The following CHM variants were observed in gnomAD, a reference collection of about 807,000 sequenced individuals.
The protein encoded by CHM is CHM Rab escort protein, also known as rab proteins geranylgeranyltransferase component A 1.
A neutral mutation model predicts 49.0 loss-of-function variants in CHM; 10 were observed. That is an observed-to-expected ratio of 0.20 (90% CI 0.13 to 0.35). The LOEUF is 0.35. Ranked by LOEUF, CHM falls within the 10% of genes least tolerant of loss-of-function variation. The pLI, the probability that CHM is intolerant of heterozygous loss-of-function variation, is 1.00. For synonymous variants in CHM, 184 were observed against 167.5 expected (o/e 1.10, Z -0.76); for missense variants, 455 against 478.4 (o/e 0.95, Z 0.46).
At chrX:85,900,516 CA>C in intron 11 of CHM, 129 bp downstream of exon 11, 2 of 490,242 alleles carry the variant, frequency 4.1e-6, no homozygotes, top group Non-Finnish European at 7.1e-6. Flanking sequence ...GTTCTCACCA[CA>C]AAAAAAGGTA....
chrX:85,993,685 C>G (rs1298210648), intron 2 of CHM, among the ~76,000 whole-genome samples: 1 of 112,036 alleles, frequency 8.9e-6, no homozygotes, highest in Non-Finnish European at 1.9e-5. Flanking sequence ...CCAGTCTTAT[C>G]TCTGGACATT....
chrX:85,973,774 T>C (rs1404273387), intron 4 of CHM, among the ~76,000 whole-genome samples: 1 of 111,903 alleles, frequency 8.9e-6, no homozygotes, highest in Non-Finnish European at 1.9e-5. Context: ...ACTTCCTTTC[T>C]GGGAAAAAAG....
At position 86,026,102 on chromosome X, in the gene CHM, C is replaced by CTTTTTTTTTTTT. The variant is rs1167691945; in HGVS notation, c.116+1377_116+1388dup. On this transcript the variant is annotated intron_variant, in intron 2 of 14. Coordinates refer to ENST00000357749, the MANE Select transcript of CHM (RefSeq NM_000390.4). ...CTGGGCTTTCAAGGTAGCAGATTTT[C>CTTTTTTTTTTTT]TTTTTTTTTTTTTTTTTTTTTTTTT... Among the ~76,000 whole-genome samples, 21 of 26,759 alleles carry CTTTTTTTTTTTT rather than the reference C, an allele frequency of 7.8e-4. 6 individuals carry two copies. The highest frequency in any genetic ancestry group is 1.4e-3 in the Admixed American group (3 of 2,117). 23.2% of individuals were successfully genotyped at this position (26,759 alleles called of 115,157 possible).
At chrX:85,943,527 G>A (rs1170615246) in intron 8 of CHM, among the ~76,000 whole-genome samples, 1 of 111,337 alleles carries the variant, frequency 9.0e-6, no homozygotes, top group African/African-American at 3.3e-5. Context: ...TTTTGTATTG[G>A]GCACAGAATT....
At chrX:85,981,689 A>C (rs750072785) in intron 3 of CHM, 48 bp downstream of exon 3, 6 of 919,943 alleles carry the variant, frequency 6.5e-6, no homozygotes, top group Non-Finnish European at 9.3e-6. Flanking sequence ...GTTACTATGT[A>C]ACATACAATA....
At chrX:85,913,068 T>A (rs1185349153) in intron 8 of CHM, among the ~76,000 whole-genome samples, 8 of 97,560 alleles carry the variant, frequency 8.2e-5, no homozygotes, top group African/African-American at 3.1e-4. Context: ...CCCACGCCTG[T>A]AATCCTAGCA....
chrX:86,002,593 C>T (rs1251217388), intron 2 of CHM, among the ~76,000 whole-genome samples: 1 of 112,079 alleles, frequency 8.9e-6, no homozygotes, highest in East Asian at 2.8e-4. Flanking sequence ...TGAACCAGGG[C>T]GGGGTGTCGC....
intron 1 of CHM, among the ~76,000 whole-genome samples, chrX:86,037,885 G>C (rs1289399339): frequency 9.1e-6 from 1 of 109,920 alleles, no homozygotes; most frequent in African/African-American, 3.3e-5. Flanking sequence ...AAGACTGTAG[G>C]AAACAAAAGA....
chrX:85,926,327 T>C (rs748103776), intron 8 of CHM, among the ~76,000 whole-genome samples: 2 of 111,580 alleles, frequency 1.8e-5, no homozygotes, highest in South Asian at 7.5e-4. Context: ...TAAAATCTTC[T>C]CAGAGGCTGT....
chrX:86,043,463 TG>T (rs1446593229), intron 1 of CHM, among the ~76,000 whole-genome samples: 1 of 109,628 alleles, frequency 9.1e-6, no homozygotes, highest in Non-Finnish European at 1.9e-5. Context: ...TGAAGTGCAG[TG>T]ACACAACTAT....
chrX:86,042,579 C>T (rs1010656263), intron 1 of CHM, among the ~76,000 whole-genome samples: 2 of 110,060 alleles, frequency 1.8e-5, no homozygotes, highest in Non-Finnish European at 3.8e-5. Context: ...GCAATTTGGG[C>T]CACCAAGGCA....
At chrX:86,006,215 C>G (rs975025904) in intron 2 of CHM, among the ~76,000 whole-genome samples, 53 of 111,488 alleles carry the variant, frequency 4.8e-4, no homozygotes, top group Admixed American at 1.1e-3. Context: ...ATTTAACAGC[C>G]CTTCATGCTA....
Position 85,957,938 on chromosome X carries a change from T to A in CHM, c.857A>T (p.Gln286Leu). Residue 286 changes from glutamine (Q) to leucine (L), a missense_variant, in exon 7 of 15, where the codon CAA becomes CTA. Coordinates refer to ENST00000357749, the MANE Select transcript of CHM (RefSeq NM_000390.4). ...CSRADVFNSK[Q>L]LTMVEKRMLM... ...CATTCGCTTTTCTACCATAGTAAGT[T>A]GTTTGCTATTAAAGACATCTGCTCT... The A allele has an allele frequency of 1.7e-6, 2 of 1,211,081 alleles. No homozygotes were observed. Among genetic ancestry groups the A allele is most frequent in the Non-Finnish European group, 2.2e-6 (2 of 894,961 alleles).
At chrX:85,888,492 C>T (rs770829130) in intron 12 of CHM, among the ~76,000 whole-genome samples, 4 of 111,317 alleles carry the variant, frequency 3.6e-5, no homozygotes, top group Middle Eastern at 4.7e-3. Context: ...GAGGTTATCC[C>T]GGTTTTTCCT....
intron 8 of CHM, among the ~76,000 whole-genome samples, chrX:85,942,743 G>A (rs900041641): frequency 6.2e-5 from 6 of 97,544 alleles, no homozygotes; most frequent in Non-Finnish European, 1.3e-4. Flanking sequence ...ACATGAAACA[G>A]GTCAATGTTT....
intron 9 of CHM, among the ~76,000 whole-genome samples, chrX:85,909,954 G>A (rs1926830975): frequency 8.9e-6 from 1 of 111,787 alleles, no homozygotes; most frequent in African/African-American, 3.2e-5. Flanking sequence ...CTTCAACAGA[G>A]TTCTTCATGA....
intron 2 of CHM, among the ~76,000 whole-genome samples, chrX:86,011,434 C>G (rs1933068410): frequency 9.0e-6 from 1 of 111,405 alleles, no homozygotes; most frequent in South Asian, 3.8e-4. Context: ...TGGTGTCATG[C>G]TGCTGAAGCA....
intron 13 of CHM, among the ~76,000 whole-genome samples, chrX:85,875,267 A>G (rs1342880378): frequency 8.9e-6 from 1 of 111,788 alleles, no homozygotes; most frequent in East Asian, 2.8e-4. Context: ...AGCTAGAAAA[A>G]GAATATGCAG....
At chrX:85,978,969 T>C in intron 3 of CHM, 78 bp from the exon 4 acceptor site, 1 of 1,024,297 alleles carries the variant, frequency 9.8e-7, no homozygotes, top group Non-Finnish European at 1.3e-6. Context: ...AATTTACCTC[T>C]TGTCTAAATT....
Sources: gnomAD v4.1 joint callset for allele counts (sites outside exome capture counted in the v4.1 genomes callset) on GRCh38, gnomAD v4.1.1 for gene constraint, MANE v1.5 for transcripts, NCBI Gene and HGNC (gene_info 2026-07-23, HGNC 2026-07-21) for gene names.